The following DSTYK variants were observed in gnomAD, a reference collection of about 807,000 sequenced individuals.
DSTYK encodes RIP-homologous kinase.
DSTYK carries 34 observed loss-of-function variants against 98.7 expected under a neutral mutation model. The observed-to-expected ratio is 0.34, with a 90% confidence interval of 0.26 to 0.46. The LOEUF (loss-of-function observed/expected upper bound fraction) is 0.46. Ranked by LOEUF, DSTYK falls within the 20% of genes least tolerant of loss-of-function variation. DSTYK has a pLI of 1.00. For synonymous variants in DSTYK, 462 were observed against 457.3 expected (o/e 1.01, Z -0.13); for missense variants, 962 against 1,181.7 (o/e 0.81, Z 2.73).
intron 2 of DSTYK, among the ~76,000 whole-genome samples, chr1:205,178,459 T>C (rs551727930): frequency 6.6e-6 from 1 of 152,274 alleles, no homozygotes; most frequent in South Asian, 2.1e-4. Context: ...ATATTTTCTC[T>C]AGAATGGAGA....
intron 3 of DSTYK, among the ~76,000 whole-genome samples, chr1:205,167,176 T>C (rs1657913488): frequency 6.6e-6 from 1 of 152,076 alleles, no homozygotes; most frequent in East Asian, 1.9e-4. Context: ...GGTGGGAGGA[T>C]TGCTTGAGAC....
intron 1 of DSTYK, among the ~76,000 whole-genome samples, chr1:205,210,458 A>G (rs750611343): frequency 4.6e-5 from 7 of 152,172 alleles, no homozygotes; most frequent in Non-Finnish European, 8.8e-5. Context: ...AATTAGACGC[A>G]GTAGTTAACA....
rs1365138002 is a variant in DSTYK at position 205,169,530 on chromosome 1, G to C, written c.957C>G (p.Asn319Lys). 2 of 1,614,134 alleles carry C rather than the reference G, an allele frequency of 1.2e-6. No individual in the cohort carries two copies. The highest frequency in any genetic ancestry group is 1.3e-5 in the African/African-American group (1 of 75,032). Residue 319 changes from asparagine to lysine, a missense_variant, in exon 3 of 13, where the codon AAC becomes AAG. Around this residue, in one of 4 missense-constraint regions of DSTYK, gnomAD observed 660 missense variants for 855.0 expected, o/e 0.77. Transcript: ENST00000367162. The surrounding 1 kb of genome is among the most constrained non-coding windows in gnomAD (Gnocchi z 4.0). ...TAGTATCCTGGCCAGGAGCCCCACA[G>C]TTCCAGTGACTGCTGCTCAGATAGC... ...DLGYLSSSHW[N>K]CGAPGQDTKA...
intron 6 of DSTYK, 113 bp downstream of exon 6, chr1:205,161,923 C>T: frequency 1.2e-6 from 1 of 847,254 alleles, no homozygotes; most frequent in Non-Finnish European, 1.6e-6. Context: ...TATATGTATA[C>T]ACACACAGAC....
At chr1:205,176,244 G>A (rs1175043273) in intron 2 of DSTYK, among the ~76,000 whole-genome samples, 4 of 152,070 alleles carry the variant, frequency 2.6e-5, no homozygotes, top group Admixed American at 6.6e-5. Flanking sequence ...TAGGGAGGCC[G>A]AGACAGGCAG....
intron 9 of DSTYK, 125 bp downstream of exon 9, chr1:205,159,422 A>T (rs766576982): frequency 8.2e-7 from 1 of 1,221,376 alleles, no homozygotes; most frequent in Non-Finnish European, 1.1e-6. Context: ...AAATAAGTGA[A>T]ATAAACCCTA....
chr1:205,205,778 T>C (rs1352399660), intron 1 of DSTYK, among the ~76,000 whole-genome samples: 3 of 152,124 alleles, frequency 2.0e-5, no homozygotes, highest in Non-Finnish European at 4.4e-5. Context: ...ACACTAGTGC[T>C]TTTCCCCTTC....
rs1657362145 is a variant in DSTYK, at chr1:205,150,188, A to G, written c.2467+492T>C. Reference sequence around the variant, plus strand: ...CCCAAATCTGACTCAAGTTCTATTCAAAATCTCACCTCCATCACAAAACCA... The same window carrying G: ...CCCAAATCTGACTCAAGTTCTATTCGAAATCTCACCTCCATCACAAAACCA... On this transcript the variant is annotated intron_variant, in intron 11 of 12. Transcript: ENST00000367162. This position sits in a 1 kb window ranked among gnomAD's most constrained non-coding sequence, Gnocchi z 4.1. Among the ~76,000 whole-genome samples the G allele has an allele frequency of 1.3e-5, 2 of 152,208 alleles. No individual in the cohort carries two copies. The highest frequency in any genetic ancestry group is 2.9e-5 in the Non-Finnish European group (2 of 68,032).
chr1:205,187,892 A>G, intron 1 of DSTYK, 86 bp from the exon 2 acceptor site: 1 of 1,309,438 alleles, frequency 7.6e-7, no homozygotes, highest in Non-Finnish European at 1.0e-6. Flanking sequence ...TCACGCAGAA[A>G]TCCCATGAGG....
intron 12 of DSTYK, 120 bp from the exon 13 acceptor site, chr1:205,147,865 T>C (rs1657287101): frequency 1.0e-6 from 1 of 998,976 alleles, no homozygotes; most frequent in African/African-American, 1.6e-5. Flanking sequence ...TGCAAGGAGT[T>C]TTGACTTCGA....
At position 205,145,526 on chromosome 1, in the gene DSTYK, T is replaced by G. The variant is rs1055308088; in HGVS notation, c.*2032A>C. ...ATGTGCGACTCATCTTTGTTTTTTG[T>G]TTTTTTTTTTGTTTTTTTTTGAGAT... On this transcript the variant is annotated 3_prime_UTR_variant, in exon 13 of 13. Transcript: ENST00000367162. 16 of 21,702 alleles carry G rather than the reference T, an allele frequency of 7.4e-4. 1 individual carries two copies. Among genetic ancestry groups the G allele is most frequent in the South Asian group, 6.3e-3 (2 of 318 alleles). 1.3% of individuals were successfully genotyped at this position (21,702 alleles called of 1,614,324 possible).
At chr1:205,173,600 T>G (rs1270503929) in intron 2 of DSTYK, among the ~76,000 whole-genome samples, 3 of 152,198 alleles carry the variant, frequency 2.0e-5, no homozygotes, top group Non-Finnish European at 2.9e-5. Context: ...TTGTTTGTTT[T>G]TTCTGATGGA....
At chr1:205,188,451 C>T (rs1658619211) in intron 1 of DSTYK, among the ~76,000 whole-genome samples, 1 of 152,120 alleles carries the variant, frequency 6.6e-6, no homozygotes. Context: ...CAAACTTGTA[C>T]AGCATGTTAC....
chr1:205,187,899 G>C (rs1368223860), intron 1 of DSTYK, 93 bp from the exon 2 acceptor site: 1 of 1,275,606 alleles, frequency 7.8e-7, no homozygotes, highest in South Asian at 1.5e-5. Context: ...GAAATCCCAT[G>C]AGGAAGACAA....
intron 1 of DSTYK, among the ~76,000 whole-genome samples, chr1:205,208,588 TG>T (rs1659274038): frequency 3.9e-5 from 6 of 152,112 alleles, no homozygotes; most frequent in African/African-American, 1.4e-4. Context: ...AAAAGAAAGT[TG>T]AGGACTGGGT....
At chr1:205,201,009 TG>T (rs1317834730) in intron 1 of DSTYK, among the ~76,000 whole-genome samples, 2 of 152,002 alleles carry the variant, frequency 1.3e-5, no homozygotes, top group African/African-American at 4.8e-5. Context: ...AGGTTCAAGC[TG>T]TTCTCCTGCC....
intron 1 of DSTYK, among the ~76,000 whole-genome samples, chr1:205,188,711 A>G (rs1474780439): frequency 6.6e-6 from 1 of 152,250 alleles, no homozygotes; most frequent in Non-Finnish European, 1.5e-5. Context: ...GTATAAATGT[A>G]TAAAATGAAA....
At chr1:205,192,149 CCTTT>C (rs1658730920) in intron 1 of DSTYK, among the ~76,000 whole-genome samples, 1 of 152,004 alleles carries the variant, frequency 6.6e-6, no homozygotes, top group South Asian at 2.1e-4. Flanking sequence ...TTTATTGAGC[CCTTT>C]CTATGTATTG....
intron 2 of DSTYK, among the ~76,000 whole-genome samples, chr1:205,175,594 C>T (rs544593877): frequency 8.5e-5 from 13 of 152,166 alleles, no homozygotes; most frequent in Middle Eastern, 3.4e-3. Flanking sequence ...ATGTGATATG[C>T]GATTCTGCAA....
Sources: allele counts gnomAD v4.1 joint callset (sites outside exome capture counted in the v4.1 genomes callset), GRCh38; gene constraint gnomAD v4.1.1; regional missense constraint gnomAD v4.1.1; non-coding constraint Gnocchi (gnomAD v3.1); transcripts MANE v1.5; gene names NCBI Gene and HGNC (gene_info 2026-07-23, HGNC 2026-07-21).